Variants in STARD13 observed in about 807,000 individuals in gnomAD.
STARD13 encodes the protein StAR related lipid transfer domain containing 13.
Under a neutral mutation model 106.4 loss-of-function variants are expected in STARD13, and 62 were observed. The ratio of observed to expected loss-of-function variants is 0.58; its 90% CI spans 0.48 to 0.72. The LOEUF is 0.72. Ranked by LOEUF, STARD13 falls within the 30% of genes least tolerant of loss-of-function variation. The pLI, the probability that STARD13 is intolerant of heterozygous loss-of-function variation, is 0.00. For missense variants in STARD13, 1,387 were observed against 1,424.0 expected, an observed-to-expected ratio of 0.97 and a Z score of 0.42; for synonymous variants, 565 against 553.0, an observed-to-expected ratio of 1.02 and a Z score of -0.31.
chr13:33,255,108 C>CT (rs1890291788), intron 1 of STARD13, among the ~76,000 whole-genome samples: 1 of 151,254 alleles, frequency 6.6e-6, no homozygotes, highest in African/African-American at 2.4e-5. Flanking sequence ...TCCCCCCCCC[C>CT]TCAGAGGCTT....
At chr13:33,644,509 T>C in the STARD13 span, among the ~76,000 whole-genome samples, 1 of 151,550 alleles carries the variant, frequency 6.6e-6, no homozygotes, top group South Asian at 2.1e-4. Flanking sequence ...CATACAGAGA[T>C]GACAGAAGTT....
At chr13:33,463,450 A>G in the STARD13 span, among the ~76,000 whole-genome samples, 1 of 152,194 alleles carries the variant, frequency 6.6e-6, no homozygotes, top group African/African-American at 2.4e-5. Flanking sequence ...TGGTAATGGA[A>G]ACTGACATTG....
the STARD13 span, among the ~76,000 whole-genome samples, chr13:33,518,898 G>A: frequency 0.52 from 79,224 of 151,788 alleles, 21,915 homozygotes; most frequent in African/African-American, 0.72. Flanking sequence ...TCCTGCCATG[G>A]GCTAGGCTAT....
chr13:33,674,294 A>G, the STARD13 span, among the ~76,000 whole-genome samples: 1 of 152,248 alleles, frequency 6.6e-6, no homozygotes, highest in African/African-American at 2.4e-5. Context: ...CTACAATGAA[A>G]TATTCTTCAA....
the STARD13 span, among the ~76,000 whole-genome samples, chr13:33,596,631 A>C: frequency 6.6e-6 from 1 of 152,174 alleles, no homozygotes; most frequent in Non-Finnish European, 1.5e-5. Flanking sequence ...CTGTGCTACC[A>C]AATACTGGAA....
the STARD13 span, among the ~76,000 whole-genome samples, chr13:33,576,207 T>G: frequency 6.6e-6 from 1 of 152,134 alleles, no homozygotes; most frequent in African/African-American, 2.4e-5. Flanking sequence ...TTTAAATATT[T>G]TTAAAATTAC....
chr13:33,670,697 G>A, the STARD13 span, among the ~76,000 whole-genome samples: 1 of 152,126 alleles, frequency 6.6e-6, no homozygotes, highest in African/African-American at 2.4e-5. Context: ...ATGCTTATCA[G>A]GACAGGACCA....
chr13:33,110,376 C>T (rs1235423478), intron 11 of STARD13, among the ~76,000 whole-genome samples: 1 of 152,204 alleles, frequency 6.6e-6, no homozygotes, highest in Non-Finnish European at 1.5e-5. Flanking sequence ...CTTCCTCCGA[C>T]AGTGGTACTC....
At chr13:33,560,760 GGTAA>G in the STARD13 span, among the ~76,000 whole-genome samples, 4 of 151,418 alleles carry the variant, frequency 2.6e-5, no homozygotes, top group Admixed American at 6.6e-5. Flanking sequence ...AATATTTTCA[GGTAA>G]GTTTCAGGTA....
the STARD13 span, among the ~76,000 whole-genome samples, chr13:33,378,321 TCCA>T: frequency 6.6e-6 from 1 of 152,274 alleles, no homozygotes; most frequent in Admixed American, 6.5e-5. Flanking sequence ...CCAAATGCTT[TCCA>T]CCCTCTGCAC....
the STARD13 span, among the ~76,000 whole-genome samples, chr13:33,581,345 A>G: frequency 6.6e-6 from 1 of 152,212 alleles, no homozygotes. Flanking sequence ...AAGAATTTCA[A>G]ATCAATATTT....
At chr13:33,490,127 T>C in the STARD13 span, among the ~76,000 whole-genome samples, 1 of 152,210 alleles carries the variant, frequency 6.6e-6, no homozygotes, top group Non-Finnish European at 1.5e-5. Context: ...ATGACAATAG[T>C]TTACAACCTG....
At chr13:33,170,981 T>C (rs1883891943) in intron 1 of STARD13, among the ~76,000 whole-genome samples, 1 of 152,206 alleles carries the variant, frequency 6.6e-6, no homozygotes, top group Non-Finnish European at 1.5e-5. Context: ...ACTAATGCTT[T>C]TCCCCAGGCC....
At chr13:33,269,537 G>C (rs1431631402) in intron 1 of STARD13, among the ~76,000 whole-genome samples, 1 of 152,180 alleles carries the variant, frequency 6.6e-6, no homozygotes, top group Non-Finnish European at 1.5e-5. Context: ...TTCTGCCTAG[G>C]AATAGCCAGC....
At chr13:33,432,996 A>G in the STARD13 span, among the ~76,000 whole-genome samples, 5 of 152,244 alleles carry the variant, frequency 3.3e-5, no homozygotes, top group South Asian at 4.1e-4. Context: ...AGATAAAATC[A>G]TGTTATTGAA....
At chr13:33,540,986 TA>T in the STARD13 span, among the ~76,000 whole-genome samples, 8 of 152,304 alleles carry the variant, frequency 5.3e-5, no homozygotes, top group Admixed American at 3.9e-4. Context: ...AGGGAAGTGC[TA>T]AAAGTGAGGG....
At chr13:33,136,242 A>G (rs1879037757) in intron 4 of STARD13, among the ~76,000 whole-genome samples, 1 of 152,252 alleles carries the variant, frequency 6.6e-6, no homozygotes. Flanking sequence ...CAGTTATGAC[A>G]GATGAACAAC....
chr13:33,148,999 A>G (rs185220535), intron 3 of STARD13, among the ~76,000 whole-genome samples: 10 of 152,330 alleles, frequency 6.6e-5, no homozygotes, highest in Admixed American at 3.9e-4. Flanking sequence ...ATAGCATTCT[A>G]AAAGAGGCAA....
At chr13:33,674,771 A>T in the STARD13 span, among the ~76,000 whole-genome samples, 1 of 152,238 alleles carries the variant, frequency 6.6e-6, no homozygotes, top group Non-Finnish European at 1.5e-5. Context: ...CTAAATTGAC[A>T]CAGTAACATA....
Sources: allele counts gnomAD v4.1 joint callset (sites outside exome capture counted in the v4.1 genomes callset), GRCh38; gene constraint gnomAD v4.1.1; transcripts MANE v1.5; gene names NCBI Gene and HGNC (gene_info 2026-07-23, HGNC 2026-07-21).